The following NAV3 variants were observed in gnomAD, a reference collection of about 807,000 sequenced individuals.
NAV3 encodes pore membrane and/or filament interacting like protein 1.
In NAV3, 87 loss-of-function variants were observed where a neutral mutation model predicts 244.7. The ratio of observed to expected loss-of-function variants is 0.36; its 90% CI spans 0.30 to 0.42. The LOEUF (loss-of-function observed/expected upper bound fraction) is 0.42, where lower values mean the gene tolerates loss of function less well. NAV3 is among the 20% of genes least tolerant of loss of function. NAV3 has a pLI of 1.00. For synonymous variants in NAV3, 1,126 were observed against 1,042.2 expected (o/e 1.08, Z -1.55); for missense variants, 2,663 against 2,893.3 (o/e 0.92, Z 1.83).
intron 2 of NAV3, among the ~76,000 whole-genome samples, chr12:77,772,858 A>G (rs1870164438): frequency 6.6e-6 from 1 of 152,210 alleles, no homozygotes; most frequent in Non-Finnish European, 1.5e-5. Flanking sequence ...TTAACGCACT[A>G]AACAGATTGC....
chr12:78,006,865 T>C lies in NAV3; in HGVS notation c.1327T>C (p.Ser443Pro), dbSNP rs755256058. Residue 443 changes from serine to proline, a missense_variant, in exon 8 of 40, where the codon TCA (serine) becomes CCA (proline). By Grantham distance (74) the Ser-to-Pro change is moderately conservative. Transcript: ENST00000397909. Reference sequence around the variant, plus strand: ...CTCAACAAATAGCAGTCCCAAAGTGTCACCTAAGTTGGCCCCTCCAAAAGC... The same window carrying C: ...CTCAACAAATAGCAGTCCCAAAGTGCCACCTAAGTTGGCCCCTCCAAAAGC... ...GGSTNSSPKVSPKLAPPKAGS... is the reference protein window; with the variant it reads ...GGSTNSSPKVPPKLAPPKAGS... 18 of 1,614,050 alleles carry C rather than the reference T, an allele frequency of 1.1e-5. No homozygotes were observed. Among genetic ancestry groups the C allele is most frequent in the Admixed American group, 1.7e-5 (1 of 60,004 alleles).
At chr12:77,794,437 G>A (rs1871318307) in intron 2 of NAV3, among the ~76,000 whole-genome samples, 1 of 152,122 alleles carries the variant, frequency 6.6e-6, no homozygotes, top group Non-Finnish European at 1.5e-5. Flanking sequence ...CTCTAGTCAA[G>A]ATCCCAGTCA....
intron 1 of NAV3, among the ~76,000 whole-genome samples, chr12:77,900,741 T>G (rs1885190056): frequency 6.6e-6 from 1 of 152,234 alleles, no homozygotes; most frequent in African/African-American, 2.4e-5. Context: ...GTAATGAGAT[T>G]GCTGGGTCAA....
chr12:77,736,797 A>T (rs1159016494), intron 2 of NAV3, among the ~76,000 whole-genome samples: 5 of 152,216 alleles, frequency 3.3e-5, no homozygotes, highest in Non-Finnish European at 4.4e-5. Flanking sequence ...CACCACAGGA[A>T]TGTTGGTTAT....
chr12:77,783,383 A>G (rs902870231), intron 2 of NAV3: 6 of 152,046 alleles, frequency 3.9e-5, no homozygotes, highest in Non-Finnish European at 5.9e-5. Context: ...TCTTCCCACA[A>G]GATGTGCTGG....
intron 2 of NAV3, among the ~76,000 whole-genome samples, chr12:77,735,892 GA>G (rs1462541928): frequency 6.6e-6 from 1 of 152,116 alleles, no homozygotes; most frequent in Non-Finnish European, 1.5e-5. Flanking sequence ...AATTACAATA[GA>G]ACATTTTTAA....
At chr12:77,982,271 T>A (rs1184613824) in intron 5 of NAV3, among the ~76,000 whole-genome samples, 2 of 127,282 alleles carry the variant, frequency 1.6e-5, no homozygotes, top group African/African-American at 5.2e-5. Flanking sequence ...TAGAGCCGTG[T>A]GTTCTTTTCC....
chr12:78,175,345 C>A lies in NAV3; in HGVS notation c.5021C>A (p.Ser1674Tyr), dbSNP rs372840398. The A allele has an allele frequency of 1.9e-6, 3 of 1,611,434 alleles. No individual in the cohort carries two copies. In the African/African-American group the frequency reaches 4.0e-5, roughly 22 times the overall value. Reference protein sequence around the residue: ...IRRQHSSESVSSINSATSHSS... With the variant: ...IRRQHSSESVYSINSATSHSS... ...AGACAGCATTCCTCTGAAAGTGTTT[C>A]TAGTATCAACAGTGCCACAAGCCAT... The change falls in exon 25 of 40, where the codon TCT (serine) becomes TAT (tyrosine). Residue 1674 changes from serine to tyrosine, a missense_variant. Transcript: ENST00000397909.
chr12:77,899,515 A>G (rs966761843), intron 1 of NAV3, among the ~76,000 whole-genome samples: 15 of 152,250 alleles, frequency 9.9e-5, no homozygotes, highest in Admixed American at 7.2e-4. Context: ...GCAATAAGGT[A>G]TTTGTAATTA....
At chr12:77,873,907 G>A (rs114734030) in intron 1 of NAV3, among the ~76,000 whole-genome samples, 1,634 of 150,900 alleles carry the variant, frequency 0.011, 36 homozygotes, top group African/African-American at 0.015. Context: ...GACTGGTACC[G>A]GTCTGTGGCC....
At chr12:77,844,747 TATTC>T (rs1876326312) in intron 1 of NAV3, among the ~76,000 whole-genome samples, 2 of 152,192 alleles carry the variant, frequency 1.3e-5, no homozygotes, top group African/African-American at 4.8e-5. Context: ...TGGGCATACT[TATTC>T]ATCCTGTAGT....
chr12:77,668,968 A>G (rs1873841317), intron 2 of NAV3, among the ~76,000 whole-genome samples: 1 of 152,230 alleles, frequency 6.6e-6, no homozygotes, highest in Non-Finnish European at 1.5e-5. Flanking sequence ...AAACCCTACA[A>G]GCTAGAAGGG....
At chr12:77,800,428 G>T (rs758711652) in intron 2 of NAV3, among the ~76,000 whole-genome samples, 1 of 152,158 alleles carries the variant, frequency 6.6e-6, no homozygotes, top group Non-Finnish European at 1.5e-5. Flanking sequence ...CCTAGCGATT[G>T]TACAATGGTT....
chr12:78,110,646 G>A (rs1054396370), intron 12 of NAV3, among the ~76,000 whole-genome samples: 4 of 151,640 alleles, frequency 2.6e-5, no homozygotes, highest in Non-Finnish European at 4.4e-5. Flanking sequence ...TTAGACAAAT[G>A]GTATGGAATA....
intron 2 of NAV3, among the ~76,000 whole-genome samples, chr12:77,605,954 A>G (rs1352323931): frequency 1.3e-5 from 2 of 152,184 alleles, no homozygotes; most frequent in East Asian, 3.9e-4. Flanking sequence ...GCGATTCCAC[A>G]GGGAACATTT....
Position 77,969,045 on chromosome 12 carries a change from A to G in NAV3, c.671+343A>G, listed in dbSNP as rs552087718. ...ATTGAGTCCTAGTCTCCTGTCATGT[A>G]GTTATCTTTCATTGATATTTTTGAT... On this transcript the variant is annotated intron_variant, in intron 5 of 39. Transcript: ENST00000397909. Among the ~76,000 whole-genome samples the G allele has an allele frequency of 3.3e-5, 5 of 152,176 alleles. No homozygotes were observed. In the South Asian group the frequency reaches 1.0e-3, roughly 32 times the overall value.
intron 2 of NAV3, among the ~76,000 whole-genome samples, chr12:77,722,482 T>G (rs1357812192): frequency 6.6e-6 from 1 of 152,136 alleles, no homozygotes; most frequent in Non-Finnish European, 1.5e-5. Context: ...TATGCTGGTA[T>G]AGCTGTTTAG....
At chr12:78,200,624 TTAA>T in intron 38 of NAV3, 33 bp downstream of exon 38, 1 of 1,178,290 alleles carries the variant, frequency 8.5e-7, no homozygotes, top group Non-Finnish European at 1.1e-6. Context: ...CTATTTTTTT[TTAA>T]AAAAAAAAAG....
intron 1 of NAV3, among the ~76,000 whole-genome samples, chr12:77,851,222 T>A (rs746522473): frequency 2.0e-5 from 3 of 152,180 alleles, no homozygotes; most frequent in Non-Finnish European, 4.4e-5. Flanking sequence ...GTTAATCTTG[T>A]GCCTAGTCCC....
Sources: allele counts gnomAD v4.1 joint callset (sites outside exome capture counted in the v4.1 genomes callset), GRCh38; gene constraint gnomAD v4.1.1; transcripts MANE v1.5; gene names NCBI Gene and HGNC (gene_info 2026-07-23, HGNC 2026-07-21).